Variants in SSUH2 observed in about 807,000 individuals in gnomAD.
SSUH2 encodes protein SSUH2 homolog.
In SSUH2, 47 loss-of-function variants were observed where a neutral mutation model predicts 55.3. The ratio of observed to expected loss-of-function variants is 0.85; its 90% CI spans 0.67 to 1.08. The LOEUF is 1.08. SSUH2 is among the 50% of genes least tolerant of loss of function. The probability of loss-of-function intolerance (pLI) is 0.00; values close to 1 mark genes in which losing one functional copy is unlikely to be tolerated. For synonymous variants in SSUH2, 212 were observed against 191.5 expected (o/e 1.11, Z -0.89); for missense variants, 535 against 490.7 (o/e 1.09, Z -0.85).
chr3:8,649,633 T>A (rs1702156255), upstream of SSUH2, among the ~76,000 whole-genome samples: 1 of 152,082 alleles, frequency 6.6e-6, no homozygotes, highest in South Asian at 2.1e-4. Context: ...CTTTTCCTCA[T>A]ACCCGCATTC....
At chr3:8,649,224 C>G (rs984770903), upstream of SSUH2, among the ~76,000 whole-genome samples, 1 of 152,202 alleles carries the variant, frequency 6.6e-6, no homozygotes, top group Non-Finnish European at 1.5e-5. Flanking sequence ...TTCCCAAGAA[C>G]GCTGCCTGCA....
At chr3:8,677,201 C>G (rs1705477880) in intron 3 of SSUH2, 1 of 152,280 alleles carries the variant, frequency 6.6e-6, no homozygotes, top group Non-Finnish European at 1.5e-5. Flanking sequence ...ATCCTTTGGA[C>G]CCACCTGGAG....
chr3:8,667,888 A>G (rs371008628), intron 5 of SSUH2, among the ~76,000 whole-genome samples: 1 of 152,156 alleles, frequency 6.6e-6, no homozygotes. Context: ...ATATTTCACA[A>G]TATCTCAGCG....
At chr3:8,631,724 G>A (rs999132716) in intron 5 of SSUH2, among the ~76,000 whole-genome samples, 3 of 152,036 alleles carry the variant, frequency 2.0e-5, no homozygotes, top group African/African-American at 7.2e-5. Flanking sequence ...ATTAGGGGTG[G>A]CATGAGGGGG....
At chr3:8,620,163 C>A in intron 11 of SSUH2, 149 bp from the exon 12 acceptor site, 2 of 741,798 alleles carry the variant, frequency 2.7e-6, no homozygotes, top group East Asian at 2.8e-5. Context: ...GTGTTCCCAC[C>A]CAAATCTCAC....
At chr3:8,661,060 T>C (rs1703431971) in intron 6 of SSUH2, among the ~76,000 whole-genome samples, 1 of 152,244 alleles carries the variant, frequency 6.6e-6, no homozygotes, top group African/African-American at 2.4e-5. Context: ...GCCATGCATT[T>C]CTGGCTCTCA....
At chr3:8,663,812 G>T in intron 5 of SSUH2, 1 of 456,708 alleles carries the variant, frequency 2.2e-6, no homozygotes, top group South Asian at 1.5e-5. Flanking sequence ...ACTGTAGAAG[G>T]CACACAGATA....
chr3:8,638,386 G>A (rs900538511), intron 1 of SSUH2, among the ~76,000 whole-genome samples: 1 of 152,148 alleles, frequency 6.6e-6, no homozygotes, highest in African/African-American at 2.4e-5. Flanking sequence ...TTTCCTCCTG[G>A]CAGAAAACCT....
intron 7 of SSUH2, among the ~76,000 whole-genome samples, chr3:8,651,450 G>T (rs1702396413): frequency 6.6e-6 from 1 of 152,178 alleles, no homozygotes; most frequent in Non-Finnish European, 1.5e-5. Context: ...ATGGCAGTGA[G>T]TAGCAGACCA....
chr3:8,642,803 G>T (rs1701074616), intron 1 of SSUH2, among the ~76,000 whole-genome samples: 1 of 152,252 alleles, frequency 6.6e-6, no homozygotes, highest in African/African-American at 2.4e-5. Flanking sequence ...TTTAAATTAT[G>T]TAAGGCCTGT....
rs1697656215 is a variant in SSUH2 at position 8,626,755 on chromosome 3, C to T, written c.675-434G>A. Among the ~76,000 whole-genome samples, 3 of 152,102 alleles carry T rather than the reference C, an allele frequency of 2.0e-5. No individual in the cohort carries two copies. The South Asian group carries it at 6.2e-4, about 32-fold the overall frequency. ...GTAAGCTTGGAGCTACTGGTGATCT[C>T]CTCTGCCACTACAAGGAACCCCCTG... On this transcript the variant is annotated intron_variant, in intron 8 of 11. Coordinates refer to ENST00000544814, the MANE Select transcript of SSUH2 (RefSeq NM_001256748.3).
At chr3:8,636,742 T>C (rs1699990918) in intron 1 of SSUH2, among the ~76,000 whole-genome samples, 1 of 152,120 alleles carries the variant, frequency 6.6e-6, no homozygotes, top group Non-Finnish European at 1.5e-5. Flanking sequence ...CATTCCCTCC[T>C]CTTTTCTCTT....
chr3:8,681,688 G>C (rs1225988051), intron 1 of SSUH2, among the ~76,000 whole-genome samples: 1 of 146,930 alleles, frequency 6.8e-6, no homozygotes, highest in Non-Finnish European at 1.5e-5. Flanking sequence ...CTTCCCCCCG[G>C]CTCTTAGGAC....
intron 3 of SSUH2, among the ~76,000 whole-genome samples, chr3:8,672,713 T>C (rs1242097451): frequency 6.8e-6 from 1 of 147,792 alleles, no homozygotes. Flanking sequence ...CCTCTCCCCC[T>C]CCGGATATTA....
At chr3:8,623,486 A>T (rs1454589598) in intron 11 of SSUH2, 63 bp downstream of exon 11, 3 of 1,010,630 alleles carry the variant, frequency 3.0e-6, no homozygotes, top group African/African-American at 1.6e-5. Context: ...CGTTCTCAGG[A>T]AAGAGGGCTC....
chr3:8,653,374 C>G (rs1702620393), intron 7 of SSUH2, among the ~76,000 whole-genome samples: 1 of 152,232 alleles, frequency 6.6e-6, no homozygotes, highest in African/African-American at 2.4e-5. Context: ...CACCCCACCT[C>G]CAATGTCCAC....
rs1434686834 is a variant in SSUH2, at chr3:8,619,636, C to T, written c.*232G>A. On this transcript the variant is annotated 3_prime_UTR_variant, in exon 12 of 12. Transcript: ENST00000544814. ...TAAATTATTTCTCTCATTTGTTCTA[C>T]AGGAATGTGTATAGCTGAATTATTG... The T allele has an allele frequency of 2.4e-6, 1 of 416,170 alleles. No homozygotes were observed. The highest frequency in any genetic ancestry group is 4.2e-6 in the Non-Finnish European group (1 of 238,642). 25.8% of individuals were successfully genotyped at this position (416,170 alleles called of 1,614,324 possible).
rs966415266 is a variant in SSUH2 at position 8,629,814 on chromosome 3, G to A, written c.526-88C>T. On this transcript the variant is annotated intron_variant, in intron 6 of 11. Coordinates refer to ENST00000544814, the MANE Select transcript of SSUH2 (RefSeq NM_001256748.3). ...CATCACCATCTAAACCGAAGGTGGAGTGGATCAGGACCAGGATAGGAAGAT... is the reference window on the plus strand; with the variant it reads ...CATCACCATCTAAACCGAAGGTGGAATGGATCAGGACCAGGATAGGAAGAT... 5 of 1,283,182 alleles carry A rather than the reference G, an allele frequency of 3.9e-6. No individual in the cohort carries two copies. The African/African-American group carries it at 4.4e-5, about 11-fold the overall frequency. The allele number at this position is 1,283,182 out of a possible 1,614,324, so 79.5% of individuals were successfully genotyped here. A position where few individuals can be genotyped will look rare whatever the true frequency, so the allele number is the denominator to read the frequency against.
chr3:8,640,955 T>C (rs1700728902), intron 1 of SSUH2, among the ~76,000 whole-genome samples: 1 of 152,262 alleles, frequency 6.6e-6, no homozygotes, highest in Non-Finnish European at 1.5e-5. Context: ...AGTGCTGTCA[T>C]GCCAAGACAG....
Sources: gnomAD v4.1 joint callset for allele counts (sites outside exome capture counted in the v4.1 genomes callset) on GRCh38, gnomAD v4.1.1 for gene constraint, MANE v1.5 for transcripts, NCBI Gene and HGNC (gene_info 2026-07-23, HGNC 2026-07-21) for gene names.